The following IL22RA2 variants were observed in gnomAD, a reference collection of about 807,000 sequenced individuals.
The protein encoded by IL22RA2 is interleukin-22 receptor subunit alpha-2.
In IL22RA2, 39 loss-of-function variants were observed where a neutral mutation model predicts 30.7. The observed-to-expected ratio is 1.27, with a 90% CI of 0.98 to 1.66. The LOEUF is 1.66. Among genes scored for constraint, IL22RA2 ranks in the 40% most tolerant of loss-of-function variants. IL22RA2 has a pLI of 0.00. For synonymous variants in IL22RA2, 103 were observed against 105.0 expected (o/e 0.98, Z 0.11); for missense variants, 315 against 312.7 (o/e 1.01, Z -0.05).
intron 5 of IL22RA2, among the ~76,000 whole-genome samples, chr6:137,149,049 C>T (rs7750867): frequency 0.14 from 21,987 of 152,090 alleles, 1,678 homozygotes; most frequent in Non-Finnish European, 0.17. Context: ...ATTACCTTCC[C>T]GCACTATTCA....
intron 2 of IL22RA2, among the ~76,000 whole-genome samples, chr6:137,158,754 A>AG (rs1244431862): frequency 5.3e-5 from 8 of 152,108 alleles, no homozygotes; most frequent in African/African-American, 1.2e-4. Context: ...AGTAAATTGC[A>AG]TTAAAAAAAA....
At chr6:137,172,443 C>T (rs1024978974) in intron 1 of IL22RA2, among the ~76,000 whole-genome samples, 3 of 152,196 alleles carry the variant, frequency 2.0e-5, no homozygotes, top group Non-Finnish European at 4.4e-5. Context: ...AAAGCCAACA[C>T]TGTCAACAAG....
intron 1 of IL22RA2, among the ~76,000 whole-genome samples, chr6:137,167,519 C>A (rs1454591219): frequency 6.6e-6 from 1 of 152,208 alleles, no homozygotes; most frequent in African/African-American, 2.4e-5. Context: ...TACCTGTTAG[C>A]CTCACAGATG....
At chr6:137,154,723 C>T (rs1421065837) in intron 5 of IL22RA2, among the ~76,000 whole-genome samples, 1 of 152,040 alleles carries the variant, frequency 6.6e-6, no homozygotes, top group Non-Finnish European at 1.5e-5. Context: ...ATACAGATTG[C>T]GAGATTGGAG....
intron 2 of IL22RA2, among the ~76,000 whole-genome samples, chr6:137,159,569 C>T (rs1778479238): frequency 6.6e-6 from 1 of 152,136 alleles, no homozygotes; most frequent in African/African-American, 2.4e-5. Flanking sequence ...GTGATCCGCC[C>T]ACCTCGGCCT....
At chr6:137,159,576 G>A (rs1318247396) in intron 2 of IL22RA2, among the ~76,000 whole-genome samples, 1 of 152,142 alleles carries the variant, frequency 6.6e-6, no homozygotes, top group African/African-American at 2.4e-5. Flanking sequence ...GCCCACCTCG[G>A]CCTCCCAAAG....
At chr6:137,151,667 G>A (rs937448189) in intron 5 of IL22RA2, among the ~76,000 whole-genome samples, 2 of 152,112 alleles carry the variant, frequency 1.3e-5, no homozygotes, top group African/African-American at 4.8e-5. Context: ...TAAGGCATTG[G>A]TATGCAGAAT....
At chr6:137,159,631 TATC>T (rs1478388195) in intron 2 of IL22RA2, among the ~76,000 whole-genome samples, 1 of 152,088 alleles carries the variant, frequency 6.6e-6, no homozygotes, top group Non-Finnish European at 1.5e-5. Context: ...CCAGGAAGCA[TATC>T]TTCTGTTTTC....
intron 2 of IL22RA2, among the ~76,000 whole-genome samples, chr6:137,160,478 G>A (rs1308564913): frequency 6.6e-6 from 1 of 152,210 alleles, no homozygotes; most frequent in Admixed American, 6.5e-5. Context: ...TGCAGAGCCT[G>A]CCATTACCCT....
At position 137,158,488 on chromosome 6, in the gene IL22RA2, A is replaced by C; in HGVS notation, c.62-6T>G. On this transcript the variant is annotated splice_polypyrimidine_tract_variant and splice_region_variant and intron_variant, in intron 2 of 6. Coordinates refer to ENST00000296980, the MANE Select transcript of IL22RA2 (RefSeq NM_052962.3). ...CTCATGCGTTGACTGAGTTCCTAAG[A>C]TAATAAGAGAAGGAAGAACATTGAA... 1 of 1,613,782 alleles carries C rather than the reference A, an allele frequency of 6.2e-7. No individual in the cohort carries two copies. Among genetic ancestry groups the C allele is most frequent in the East Asian group, 2.2e-5 (1 of 44,864 alleles).
At chr6:137,152,535 G>A (rs202573) in intron 5 of IL22RA2, among the ~76,000 whole-genome samples, 62,393 of 151,970 alleles carry the variant, frequency 0.41, 14,413 homozygotes, top group African/African-American at 0.63. Flanking sequence ...AGTAGTTGCC[G>A]GGGCTGAGGG....
chr6:137,156,631 GA>G, intron 4 of IL22RA2, 127 bp downstream of exon 4: 2 of 1,293,980 alleles, frequency 1.5e-6, no homozygotes, highest in Non-Finnish European at 2.1e-6. Flanking sequence ...TTGTGCTGTT[GA>G]AAATCCCTTA....
Position 137,156,859 on chromosome 6 carries a change from A to T in IL22RA2, c.198-5T>A. 1 of 1,609,744 alleles carries T rather than the reference A, an allele frequency of 6.2e-7. No homozygotes were observed. Among genetic ancestry groups the T allele is most frequent in the Non-Finnish European group, 8.5e-7 (1 of 1,176,288 alleles). On this transcript the variant is annotated splice_region_variant and splice_polypyrimidine_tract_variant and intron_variant, in intron 3 of 6. Coordinates refer to ENST00000296980, the MANE Select transcript of IL22RA2 (RefSeq NM_052962.3). The stretch of plus-strand genomic sequence containing the variant: ...TTCATGCTGCATGAGAACATGCTAG[A>T]GAAGGTCAATGGGGAAAACAGATCG...
At chr6:137,172,099 T>A (rs1406276667) in intron 1 of IL22RA2, among the ~76,000 whole-genome samples, 2 of 152,248 alleles carry the variant, frequency 1.3e-5, no homozygotes, top group African/African-American at 4.8e-5. Flanking sequence ...GGGATGATAA[T>A]GTGGGTTTGC....
chr6:137,161,615 G>A (rs1778521942), intron 2 of IL22RA2, 74 bp downstream of exon 2: 1 of 1,249,150 alleles, frequency 8.0e-7, no homozygotes, highest in Non-Finnish European at 1.2e-6. Flanking sequence ...AAGCACCAGT[G>A]CCATTTCCAA....
chr6:137,157,244 T>C (rs1008555441), intron 3 of IL22RA2, among the ~76,000 whole-genome samples: 1 of 152,158 alleles, frequency 6.6e-6, no homozygotes, highest in African/African-American at 2.4e-5. Flanking sequence ...ATCTTCTTAG[T>C]ACTTTGGACC....
chr6:137,146,361 A>G (rs1778178623), intron 6 of IL22RA2, among the ~76,000 whole-genome samples: 2 of 152,138 alleles, frequency 1.3e-5, no homozygotes, highest in South Asian at 4.1e-4. Context: ...GTGTGCAGTG[A>G]GAATGATGTG....
rs28362172 is a variant in IL22RA2, at chr6:137,147,925, C to T, written c.473-34G>A. The T allele has an allele frequency of 2.2e-4, 341 of 1,556,452 alleles. 1 individual carries two copies. In the African/African-American group the frequency reaches 3.0e-3, roughly 14 times the overall value. ...AAAACATAAAAATTTGACAAATCATCAAAGGAATGTATTATATACAGACGC... is the reference window on the plus strand; with the variant it reads ...AAAACATAAAAATTTGACAAATCATTAAAGGAATGTATTATATACAGACGC... On this transcript the variant is annotated intron_variant, in intron 5 of 6. Coordinates refer to ENST00000296980, the MANE Select transcript of IL22RA2 (RefSeq NM_052962.3).
intron 4 of IL22RA2, among the ~76,000 whole-genome samples, chr6:137,155,725 A>G (rs1327010320): frequency 2.6e-5 from 4 of 152,122 alleles, no homozygotes; most frequent in Non-Finnish European, 4.4e-5. Context: ...TGGGGGACAC[A>G]TAGAAACCAC....
Sources: gnomAD v4.1 joint callset for allele counts (sites outside exome capture counted in the v4.1 genomes callset) on GRCh38, gnomAD v4.1.1 for gene constraint, MANE v1.5 for transcripts, NCBI Gene and HGNC (gene_info 2026-07-23, HGNC 2026-07-21) for gene names.